Variants in KTN1 observed in about 807,000 individuals in gnomAD.
KTN1 encodes kinectin.
In KTN1, 130 loss-of-function variants were observed where a neutral mutation model predicts 222.5. The observed-to-expected ratio is 0.58, with a 90% CI of 0.51 to 0.68. The LOEUF (loss-of-function observed/expected upper bound fraction) is 0.68, where lower values mean the gene tolerates loss of function less well. KTN1 is among the 30% of genes least tolerant of loss of function. The pLI, the probability that KTN1 is intolerant of heterozygous loss-of-function variation, is 0.00. For synonymous variants in KTN1, 512 were observed against 496.3 expected (o/e 1.03, Z -0.42); for missense variants, 1,508 against 1,500.4 (o/e 1.01, Z -0.08).
chr14:55,613,669 A>G (rs1051229988), intron 2 of KTN1, among the ~76,000 whole-genome samples: 1 of 140,516 alleles, frequency 7.1e-6, no homozygotes, highest in African/African-American at 2.6e-5. Flanking sequence ...GGGTTTCACA[A>G]TATTGGCCAG....
rs929601864 is a variant in KTN1, at chr14:55,651,874, G to T, written c.2566-16G>T. 8 of 1,520,840 alleles carry T rather than the reference G, an allele frequency of 5.3e-6. No homozygotes were observed. In the Admixed American group the frequency reaches 5.3e-5, roughly 10 times the overall value. The allele number at this position is 1,520,840 out of a possible 1,614,324, so 94.2% of individuals were successfully genotyped here. A position where few individuals can be genotyped will look rare whatever the true frequency, so the allele number is the denominator to read the frequency against. ...GAAAGGATTATTAATTGATTTTTCT[G>T]TCCTTTGTATTTCAGTTATCTATCA... On this transcript the variant is annotated splice_polypyrimidine_tract_variant and intron_variant, in intron 24 of 43. Transcript: ENST00000395314.
chr14:55,616,407 G>A, intron 2 of KTN1, 110 bp from the exon 3 acceptor site: 1 of 968,182 alleles, frequency 1.0e-6, no homozygotes, highest in South Asian at 1.8e-5. Flanking sequence ...TTATATGTCA[G>A]ACTTTAAATT....
At chr14:55,590,283 T>C (rs954565899) in intron 1 of KTN1, among the ~76,000 whole-genome samples, 4 of 152,198 alleles carry the variant, frequency 2.6e-5, no homozygotes, top group African/African-American at 7.2e-5. Context: ...TTCAGACATA[T>C]AAGAATGTAT....
intron 1 of KTN1, among the ~76,000 whole-genome samples, chr14:55,589,858 C>T (rs756725262): frequency 1.3e-5 from 2 of 151,852 alleles, no homozygotes; most frequent in African/African-American, 2.4e-5. Flanking sequence ...GGGGTTTCAC[C>T]ATGTTGGCCA....
At chr14:55,658,481 G>C in intron 29 of KTN1, 65 bp from the exon 30 acceptor site, 2 of 930,208 alleles carry the variant, frequency 2.2e-6, no homozygotes, top group Non-Finnish European at 1.8e-6. Context: ...TTTCTAGCTT[G>C]TATGATCTAA....
intron 32 of KTN1, chr14:55,663,543 C>T (rs2044370245): frequency 5.9e-6 from 1 of 169,878 alleles, no homozygotes; most frequent in South Asian, 1.5e-4. Flanking sequence ...GTGGAAAGTC[C>T]TATGAGTGTT....
intron 1 of KTN1, among the ~76,000 whole-genome samples, chr14:55,603,022 C>T (rs147845255): frequency 6.6e-5 from 10 of 152,282 alleles, no homozygotes; most frequent in Non-Finnish European, 1.3e-4. Context: ...TTATATTCTT[C>T]CTTTATGTTT....
At position 55,580,268 on chromosome 14, in the gene KTN1, G is replaced by T; in HGVS notation, c.-117G>T. On this transcript the variant is annotated 5_prime_UTR_variant, in exon 1 of 44. Transcript: ENST00000395314. ...CCTGAGCGACTGCGGCGGCGGCGGC[G>T]GCGGCGGCGGCGCCTCGGAGCGGGC... is the stretch of plus-strand genomic sequence containing the variant. 6.4e-6 allele frequency: 1 copy of T among 156,710 alleles called. No individual in the cohort carries two copies. The highest frequency in any genetic ancestry group is 1.4e-5 in the Non-Finnish European group (1 of 73,308). The allele number at this position is 156,710 out of a possible 1,614,324, so 9.7% of individuals were successfully genotyped here.
intron 9 of KTN1, among the ~76,000 whole-genome samples, chr14:55,635,252 T>C (rs915767077): frequency 5.9e-5 from 9 of 152,154 alleles, no homozygotes; most frequent in Admixed American, 2.0e-4. Flanking sequence ...TTTGAAGATA[T>C]GGTAAATGAT....
chr14:55,650,337 G>GA lies in KTN1; in HGVS notation c.2418dup (p.Asp807ArgfsTer20), dbSNP rs2042813010. The GA allele has an allele frequency of 1.3e-6, 2 of 1,595,948 alleles. No homozygotes were observed. The highest frequency in any genetic ancestry group is 8.5e-7 in the Non-Finnish European group (1 of 1,173,196). ...CATTTCTTTATTGAAGGATCCATGAGAAAGATGGAAAGATCAAGTCTGTAG... is the reference window on the plus strand; with the variant it reads ...CATTTCTTTATTGAAGGATCCATGAGAAAAGATGGAAAGATCAAGTCTGTAG... On this transcript the variant is annotated frameshift_variant, in exon 23 of 44. Coordinates refer to ENST00000395314, the MANE Select transcript of KTN1 (RefSeq NM_001079521.2). LOFTEE classifies it high-confidence loss of function.
chr14:55,615,627 G>T (rs1466563765), intron 2 of KTN1, among the ~76,000 whole-genome samples: 3 of 152,142 alleles, frequency 2.0e-5, no homozygotes, highest in Non-Finnish European at 4.4e-5. Context: ...GGGACACTGG[G>T]GGATCTGAGT....
intron 9 of KTN1, among the ~76,000 whole-genome samples, chr14:55,635,164 A>T (rs1034493020): frequency 6.6e-6 from 1 of 152,208 alleles, no homozygotes; most frequent in African/African-American, 2.4e-5. Context: ...TCTAAATGCT[A>T]TGCCCTGATG....
rs1467126408 is a variant in KTN1, at chr14:55,599,658, GT to G, written c.-30-12360del. Among the ~76,000 whole-genome samples, 3 of 152,172 alleles carry G rather than the reference GT, an allele frequency of 2.0e-5. No homozygotes were observed. The East Asian group carries it at 5.8e-4, about 29-fold the overall frequency. ...GCTCGGCTAATTTTTTGTAGTTTTA[GT>G]AGAGACGGGGTTTCGCCATGTTGGC... On this transcript the variant is annotated intron_variant, in intron 1 of 43. Coordinates refer to ENST00000395314, the MANE Select transcript of KTN1 (RefSeq NM_001079521.2).
At position 55,612,436 on chromosome 14, in the gene KTN1, A is replaced by G. The variant is rs775785285; in HGVS notation, c.388A>G (p.Ile130Val). Residue 130 changes from isoleucine to valine, a missense_variant, in exon 2 of 44, where the codon ATC becomes GTC. Physicochemically the swap from Ile to Val is conservative, Grantham distance 29. Coordinates refer to ENST00000395314, the MANE Select transcript of KTN1 (RefSeq NM_001079521.2). Reference protein sequence around the residue: ...KQKPVLEEQVIKESDASKIPG... With the variant: ...KQKPVLEEQVVKESDASKIPG... The stretch of plus-strand genomic sequence containing the variant: ...AAAGCCTGTGCTTGAAGAGCAGGTC[A>G]TCAAAGAAAGTGACGCATCAAAGAT... The G allele has an allele frequency of 3.1e-6, 5 of 1,614,098 alleles. No individual in the cohort carries two copies. The South Asian group carries it at 3.3e-5, about 11-fold the overall frequency.
At chr14:55,662,014 C>T (rs2044199611) in intron 32 of KTN1, among the ~76,000 whole-genome samples, 1 of 151,230 alleles carries the variant, frequency 6.6e-6, no homozygotes, top group Admixed American at 6.6e-5. Context: ...AGTATTCAAA[C>T]CCAGTATACT....
intron 43 of KTN1, chr14:55,681,329 G>A (rs2046346616): frequency 6.6e-6 from 1 of 152,280 alleles, no homozygotes; most frequent in Non-Finnish European, 1.5e-5. Flanking sequence ...TTTCTAGAGA[G>A]CTTAAACAAT....
At chr14:55,628,059 C>T (rs769937398) in intron 6 of KTN1, 31 bp downstream of exon 6, 5 of 1,267,830 alleles carry the variant, frequency 3.9e-6, no homozygotes, top group Non-Finnish European at 5.7e-6. Flanking sequence ...GAGGGATATA[C>T]TTCCCAAATC....
Position 55,653,103 on chromosome 14 carries a change from T to C in KTN1, c.2763+18T>C. ...TGAAAGAGGTATAGTATAAACAAAT[T>C]ACCAACATGTTACATAAGGAATGAT... On this transcript the variant is annotated intron_variant, in intron 27 of 43. Coordinates refer to ENST00000395314, the MANE Select transcript of KTN1 (RefSeq NM_001079521.2). 1 of 1,430,872 alleles carries C rather than the reference T, an allele frequency of 7.0e-7. No homozygotes were observed. Among genetic ancestry groups the C allele is most frequent in the South Asian group, 1.2e-5 (1 of 84,170 alleles). 88.6% of individuals were successfully genotyped at this position (1,430,872 alleles called of 1,614,324 possible). A position where few individuals can be genotyped will look rare whatever the true frequency, so the allele number is the denominator to read the frequency against.
At chr14:55,671,348 T>C (rs1256235341) in intron 35 of KTN1, 12 of 524,532 alleles carry the variant, frequency 2.3e-5, no homozygotes, top group Admixed American at 7.4e-5. Flanking sequence ...CTAAAGACTT[T>C]AGTACCAAGA....
Sources: allele counts gnomAD v4.1 joint callset (sites outside exome capture counted in the v4.1 genomes callset), GRCh38; gene constraint gnomAD v4.1.1; transcripts MANE v1.5; gene names NCBI Gene and HGNC (gene_info 2026-07-23, HGNC 2026-07-21).